The following ERCC5 variants were observed in gnomAD, a reference collection of about 807,000 sequenced individuals.
The protein encoded by ERCC5 is DNA excision repair protein ERCC-5.
ERCC5 carries 68 observed loss-of-function variants against 105.6 expected under a neutral mutation model. The observed-to-expected ratio is 0.64, with a 90% CI of 0.53 to 0.79. The LOEUF is 0.79. Among genes scored for constraint, ERCC5 ranks in the 30% least tolerant of loss-of-function variants. The pLI is 0.00. For missense variants in ERCC5, 1,373 were observed against 1,426.7 expected (o/e 0.96, Z 0.61); for synonymous variants, 546 against 526.2 (o/e 1.04, Z -0.51).
rs10647676 is a variant in ERCC5 at position 102,864,126 on chromosome 13, CCACACACACACACA to C, written c.1954+1050_1954+1063del. Among the ~76,000 whole-genome samples, 575 of 140,974 alleles carry C rather than the reference CCACACACACACACA, an allele frequency of 4.1e-3. 5 individuals are homozygous for C. The highest frequency in any genetic ancestry group is 0.015 in the African/African-American group (541 of 37,190). The allele number at this position is 140,974 out of a possible 152,430, so 92.5% of individuals were successfully genotyped here. A position where few individuals can be genotyped will look rare whatever the true frequency, so the allele number is the denominator to read the frequency against. On this transcript the variant is annotated intron_variant, in intron 8 of 14. Coordinates refer to ENST00000652225, the MANE Select transcript of ERCC5 (RefSeq NM_000123.4). ...TGGCCACTTTGAATAAGAGAATCAA[CCACACACACACACA>C]CACACACACACACACACACACACAC...
chr13:102,866,541 C>T, intron 10 of ERCC5, 91 bp from the exon 11 acceptor site: 2 of 1,597,656 alleles, frequency 1.3e-6, no homozygotes, highest in South Asian at 2.2e-5. Flanking sequence ...GGAATGAATG[C>T]ATTACATGAA....
intron 2 of ERCC5, among the ~76,000 whole-genome samples, chr13:102,852,604 G>A (rs1882248780): frequency 6.6e-6 from 1 of 152,172 alleles, no homozygotes; most frequent in African/African-American, 2.4e-5. Context: ...CAAGGATGCG[G>A]CCATCACTCA....
At chr13:102,863,924 G>A (rs895641054) in intron 8 of ERCC5, among the ~76,000 whole-genome samples, 2 of 151,990 alleles carry the variant, frequency 1.3e-5, no homozygotes, top group African/African-American at 4.8e-5. Context: ...TTTGTTTCTT[G>A]TTTATAAAAT....
At chr13:102,867,571 A>G (rs1173780641) in intron 11 of ERCC5, among the ~76,000 whole-genome samples, 1 of 152,078 alleles carries the variant, frequency 6.6e-6, no homozygotes, top group African/African-American at 2.4e-5. Context: ...GGAGGGAGGA[A>G]ATGGCAAGGG....
At position 102,874,808 on chromosome 13, in the gene ERCC5, CCA is replaced by C. The variant is rs1449984268; in HGVS notation, c.2965-498_2965-497del. Reference sequence around the variant, plus strand: ...GTGCTGGGGTTACAGGCGTGAGCCACCATGCCCGGCCAAAGAATATCTTCTTA... The same window carrying C: ...GTGCTGGGGTTACAGGCGTGAGCCACTGCCCGGCCAAAGAATATCTTCTTA... On this transcript the variant is annotated intron_variant, in intron 14 of 14. Transcript: ENST00000652225. 1.0e-4 allele frequency: 16 copies of C among 159,128 alleles called. No homozygotes were observed. The South Asian group carries it at 2.6e-3, about 25-fold the overall frequency. The allele number at this position is 159,128 out of a possible 1,614,324, so 9.9% of individuals were successfully genotyped here. A position where few individuals can be genotyped will look rare whatever the true frequency, so the allele number is the denominator to read the frequency against.
intron 12 of ERCC5, among the ~76,000 whole-genome samples, chr13:102,869,366 C>T (rs754404308): frequency 6.6e-6 from 1 of 152,016 alleles, no homozygotes; most frequent in Non-Finnish European, 1.5e-5. Context: ...CTTTATTATA[C>T]AAATAAAGTA....
rs1566469122 is a variant in ERCC5 at position 102,862,757 on chromosome 13, T to C, written c.1608T>C (p.Asn536=). 5 of 1,614,222 alleles carry C rather than the reference T, an allele frequency of 3.1e-6. No homozygotes were observed. In the East Asian group the frequency reaches 8.9e-5, roughly 29 times the overall value. Residue 536 remains asparagine (N), a synonymous_variant, in exon 8 of 15, where the codon AAT becomes AAC. Coordinates refer to ENST00000652225, the MANE Select transcript of ERCC5 (RefSeq NM_000123.4). The stretch of plus-strand genomic sequence containing the variant: ...CTTGTACAAATTCTGTGTCAAAGAA[T>C]GAAACACATGCTGAAGTGCTTGAGC... ...SPTCTNSVSK[N]ETHAEVLEQQ...
Position 102,846,273 on chromosome 13 carries a change from G to A in ERCC5, c.7G>A (p.Val3Ile), listed in dbSNP as rs781364064. MG[V>I]QGLWKLLECS... ...CTTAGGACGCAGCCGCCTCATGGGG[G>A]TCCAGGGGCTCTGGAAGCTGCTGGA... Residue 3 changes from valine to isoleucine, a missense_variant, in exon 1 of 15, where the codon GTC (valine) becomes ATC (isoleucine). Transcript: ENST00000652225. The A allele has an allele frequency of 1.2e-6, 2 of 1,613,342 alleles. No homozygotes were observed. Among genetic ancestry groups the A allele is most frequent in the Non-Finnish European group, 1.7e-6 (2 of 1,179,686 alleles).
chr13:102,852,355 A>C, intron 2 of ERCC5, 62 bp downstream of exon 2: 1 of 1,585,130 alleles, frequency 6.3e-7, no homozygotes, highest in Non-Finnish European at 8.6e-7. Context: ...ATTCTTAGAA[A>C]AATTCACATA....
chr13:102,869,495 C>A (rs191695229), intron 12 of ERCC5, among the ~76,000 whole-genome samples: 1 of 152,026 alleles, frequency 6.6e-6, no homozygotes, highest in Admixed American at 6.5e-5. Context: ...TATGTATACT[C>A]ATTTGAGTGT....
At position 102,866,393 on chromosome 13, in the gene ERCC5, C is replaced by T. The variant is rs201284014; in HGVS notation, c.2319+12C>T. On this transcript the variant is annotated intron_variant, in intron 10 of 14. Coordinates refer to ENST00000652225, the MANE Select transcript of ERCC5 (RefSeq NM_000123.4). ...TCCTGGAAAGCCAGGTGGGTGCAGG[C>T]AGCTTGGGTTTCCTTTACCACCTTC... 2.8e-5 allele frequency: 46 copies of T among 1,614,092 alleles called. No homozygotes were observed. The African/African-American group carries it at 5.3e-4, about 19-fold the overall frequency.
rs372298533 is a variant in ERCC5 at position 102,853,777 on chromosome 13, G to A, written c.285G>A (p.Lys95=). ...KQTLVKRRQR[K]DLASSDSRKT... Reference sequence around the variant, plus strand: ...CATAGGTGAAGAGAAGGCAGAGAAAGGACTTAGCGTCCAGTGACTCCAGGA... The same window carrying A: ...CATAGGTGAAGAGAAGGCAGAGAAAAGACTTAGCGTCCAGTGACTCCAGGA... The change falls in exon 3 of 15, where the codon AAG becomes AAA. Residue 95 remains lysine (K), a synonymous_variant. Coordinates refer to ENST00000652225, the MANE Select transcript of ERCC5 (RefSeq NM_000123.4). 77 of 1,614,052 alleles carry A rather than the reference G, an allele frequency of 4.8e-5. No homozygotes were observed. Among genetic ancestry groups the A allele is most frequent in the Non-Finnish European group, 6.4e-5 (75 of 1,180,032 alleles).
intron 12 of ERCC5, among the ~76,000 whole-genome samples, chr13:102,871,272 T>A (rs909686791): frequency 3.3e-5 from 5 of 152,078 alleles, no homozygotes; most frequent in African/African-American, 9.7e-5. Context: ...ACGGCTTGAG[T>A]CACACTGGTC....
chr13:102,849,780 G>A (rs1198292400), intron 1 of ERCC5, among the ~76,000 whole-genome samples: 1 of 152,110 alleles, frequency 6.6e-6, no homozygotes, highest in Non-Finnish European at 1.5e-5. Context: ...GGCCAATACT[G>A]TGTTTTGTTC....
Position 102,865,503 on chromosome 13 carries a change from C to T in ERCC5, c.1955-164C>T. On this transcript the variant is annotated intron_variant, in intron 8 of 14. Coordinates refer to ENST00000652225, the MANE Select transcript of ERCC5 (RefSeq NM_000123.4). This position sits in a 1 kb window ranked among gnomAD's most constrained non-coding sequence, Gnocchi z 4.0. The stretch of plus-strand genomic sequence containing the variant: ...TTGAAGTTACAGGCATTTGTGATTA[C>T]ATTTATTTATTAATAACGCTACTAT... 3.0e-6 allele frequency: 3 copies of T among 984,266 alleles called. No homozygotes were observed. The highest frequency in any genetic ancestry group is 2.9e-6 in the Non-Finnish European group (2 of 678,516). 61.0% of individuals were successfully genotyped at this position (984,266 alleles called of 1,614,324 possible).
intron 11 of ERCC5, among the ~76,000 whole-genome samples, chr13:102,867,171 ATCT>A (rs1179790669): frequency 3.9e-5 from 6 of 152,228 alleles, no homozygotes; most frequent in East Asian, 1.9e-4. Context: ...TCTGGCACTG[ATCT>A]TCTTCTGTTC....
intron 9 of ERCC5, 35 bp from the exon 10 acceptor site, chr13:102,866,227 T>A: frequency 6.2e-7 from 1 of 1,609,826 alleles, no homozygotes; most frequent in South Asian, 1.1e-5. Flanking sequence ...TTTGGATTAT[T>A]AATATAAATC....
rs2227870 is a variant in ERCC5 at position 102,863,029 on chromosome 13, C to A, written c.1880C>A (p.Ala627Glu). The A allele has an allele frequency of 2.1e-3, 3,404 of 1,614,156 alleles. 64 individuals carry two copies. The Admixed American group carries it at 0.036, about 17-fold the overall frequency. The change falls in exon 8 of 15, where the codon GCA becomes GAA. Residue 627 changes from alanine to glutamate, a missense_variant. By Grantham distance (107) the Ala-to-Glu change is moderately radical (BLOSUM62 -1). Transcript: ENST00000652225. ...TIQEQQTTES[A>E]GQDLISIPKA... is the part of the protein sequence containing the mutation. ...CAAGAACAGCAGACCACTGAATCTG[C>A]AGGCCAGGATTTAATTTCCATTCCA...
chr13:102,855,396 C>T (rs1177431934), intron 4 of ERCC5, among the ~76,000 whole-genome samples: 5 of 152,000 alleles, frequency 3.3e-5, no homozygotes, highest in Non-Finnish European at 7.4e-5. Flanking sequence ...ATTACAGGCA[C>T]GTGCCACCAC....
Sources: allele counts gnomAD v4.1 joint callset (sites outside exome capture counted in the v4.1 genomes callset), GRCh38; gene constraint gnomAD v4.1.1; non-coding constraint Gnocchi (gnomAD v3.1); transcripts MANE v1.5; gene names NCBI Gene and HGNC (gene_info 2026-07-23, HGNC 2026-07-21).